ARHGAP6: variants seen among roughly 807,000 people sequenced by gnomAD.
ARHGAP6 encodes the protein rho GTPase-activating protein 6.
A neutral mutation model predicts 55.7 loss-of-function variants in ARHGAP6; 16 were observed. The observed-to-expected ratio is 0.29, with a 90% CI of 0.19 to 0.44. The LOEUF (loss-of-function observed/expected upper bound fraction) is 0.44. ARHGAP6 is among the 20% of genes least tolerant of loss of function. The pLI, the probability that ARHGAP6 is intolerant of heterozygous loss-of-function variation, is 1.00. For synonymous variants in ARHGAP6, 382 were observed against 360.9 expected, an observed-to-expected ratio of 1.06 and a Z score of -0.66; for missense variants, 698 against 808.9, an observed-to-expected ratio of 0.86 and a Z score of 1.66.
intron 1 of ARHGAP6, among the ~76,000 whole-genome samples, chrX:11,482,846 T>C (rs2050470642): frequency 9.0e-6 from 1 of 111,312 alleles, no homozygotes; most frequent in Non-Finnish European, 1.9e-5. Flanking sequence ...GGTGGGGTAA[T>C]CCCGATGGGG....
chrX:11,337,172 G>A (rs909593314), intron 1 of ARHGAP6, among the ~76,000 whole-genome samples: 2 of 109,991 alleles, frequency 1.8e-5, no homozygotes, highest in African/African-American at 6.6e-5. Context: ...ATACACAAGG[G>A]TAGATATCTA....
chrX:11,174,616 C>CTTTT (rs781633949), intron 8 of ARHGAP6, among the ~76,000 whole-genome samples: 1 of 65,003 alleles, frequency 1.5e-5, no homozygotes, highest in Non-Finnish European at 3.0e-5. Flanking sequence ...TTCTTTCTTT[C>CTTTT]TCTTTCTTTT....
intron 2 of ARHGAP6, among the ~76,000 whole-genome samples, chrX:11,206,258 C>A (rs1180273850): frequency 5.6e-5 from 6 of 107,257 alleles, no homozygotes; most frequent in Non-Finnish European, 9.8e-5. Flanking sequence ...ATAAAAATAA[C>A]CTTATATTCA....
At chrX:11,264,268 G>A (rs2047596957) in intron 1 of ARHGAP6, among the ~76,000 whole-genome samples, 1 of 111,498 alleles carries the variant, frequency 9.0e-6, no homozygotes, top group African/African-American at 3.3e-5. Context: ...TAGAAAATAT[G>A]CAAATGCTAG....
At position 11,464,186 on chromosome X, in the gene ARHGAP6, A is replaced by G. The variant is rs755665391; in HGVS notation, c.588+200055T>C. 7.1e-5 allele frequency among the ~76,000 whole-genome samples: 8 copies of G among 112,321 alleles called. No homozygotes were observed. In the East Asian group the frequency reaches 2.2e-3, roughly 31 times the overall value. On this transcript the variant is annotated intron_variant, in intron 1 of 12. Transcript: ENST00000337414. Reference sequence around the variant, plus strand: ...CATGCCCTCTTTGTGGCTGAATATAAACCACAGTGGAACTTTCTCCAAAAA... The same window carrying G: ...CATGCCCTCTTTGTGGCTGAATATAGACCACAGTGGAACTTTCTCCAAAAA...
chrX:11,250,110 G>A (rs1197947420), intron 2 of ARHGAP6, among the ~76,000 whole-genome samples: 1 of 111,346 alleles, frequency 9.0e-6, no homozygotes, highest in African/African-American at 3.3e-5. Context: ...TCAGTTTTGT[G>A]ACACATTTTA....
intron 2 of ARHGAP6, among the ~76,000 whole-genome samples, chrX:11,251,947 A>G (rs946098901): frequency 3.6e-5 from 4 of 112,233 alleles, no homozygotes; most frequent in Non-Finnish European, 5.6e-5. Flanking sequence ...TCCTCTATAA[A>G]TGAGAAAATT....
intron 1 of ARHGAP6, among the ~76,000 whole-genome samples, chrX:11,603,919 C>T (rs2052005484): frequency 8.9e-6 from 1 of 111,937 alleles, no homozygotes; most frequent in Non-Finnish European, 1.9e-5. Context: ...TGAGTTACAG[C>T]TCTGTGTCCA....
At chrX:11,453,223 TATATATATACATA>T (rs1163214856) in intron 1 of ARHGAP6, among the ~76,000 whole-genome samples, 60 of 95,980 alleles carry the variant, frequency 6.3e-4, no homozygotes, top group East Asian at 1.8e-3. Flanking sequence ...ATATATATGC[TATATATATACATA>T]ATATATATAC....
chrX:11,664,419 C>A lies in ARHGAP6; in HGVS notation c.410G>T (p.Trp137Leu), dbSNP rs1269036401. The change falls in exon 1 of 13, where the codon TGG becomes TTG. Residue 137 changes from tryptophan (W) to leucine (L), a missense_variant. Coordinates refer to ENST00000337414, the MANE Select transcript of ARHGAP6 (RefSeq NM_013427.3). ...CCCGGCCAGGACAGAAGGCAGGTCC[C>A]AGGCCATGCTCTTCTTGAGGCCGCC... ...GRGGLKKSMA[W>L]DLPSVLAGPA... 8.3e-7 allele frequency: 1 copy of A among 1,211,980 alleles called. No homozygotes were observed.
At chrX:11,355,101 G>C (rs1276438341) in intron 1 of ARHGAP6, among the ~76,000 whole-genome samples, 1 of 111,907 alleles carries the variant, frequency 8.9e-6, no homozygotes, top group African/African-American at 3.2e-5. Flanking sequence ...GATTTCTAAT[G>C]AGCCAACAAT....
chrX:11,528,911 T>A (rs1426040673), intron 1 of ARHGAP6, among the ~76,000 whole-genome samples: 1 of 111,848 alleles, frequency 8.9e-6, no homozygotes, highest in Non-Finnish European at 1.9e-5. Flanking sequence ...AAAACATTAC[T>A]AAAACCAACC....
chrX:11,574,343 C>A (rs1438408380), intron 1 of ARHGAP6, among the ~76,000 whole-genome samples: 2 of 109,991 alleles, frequency 1.8e-5, no homozygotes, highest in Middle Eastern at 4.7e-3. Context: ...ACTGGCAAAC[C>A]AAATCCAGCA....
At chrX:11,366,326 T>C (rs2049078004) in intron 1 of ARHGAP6, among the ~76,000 whole-genome samples, 1 of 112,730 alleles carries the variant, frequency 8.9e-6, no homozygotes, top group African/African-American at 3.2e-5. Context: ...TTAGTAGATC[T>C]GATTCAATAT....
chrX:11,221,650 T>C (rs1451992489), intron 2 of ARHGAP6, among the ~76,000 whole-genome samples: 1 of 111,848 alleles, frequency 8.9e-6, no homozygotes, highest in East Asian at 2.8e-4. Context: ...TAGAGGACAC[T>C]GGAGGAGAAA....
rs769042624 is a variant in ARHGAP6 at position 11,277,712 on chromosome X, A to ATTT, written c.589-23006_589-23005insAAA. On this transcript the variant is annotated intron_variant, in intron 1 of 12. Transcript: ENST00000337414. ...GTTTCTAGTATTCTTTTTTTTTTTA[A>ATTT]AAAAAAATTAGCCCTGTAATGGCTA... Among the ~76,000 whole-genome samples, 288 of 93,838 alleles carry ATTT rather than the reference A, an allele frequency of 3.1e-3. 1 individual carries two copies. Among genetic ancestry groups the ATTT allele is most frequent in the African/African-American group, 9.8e-3 (241 of 24,554 alleles). The allele number at this position is 93,838 out of a possible 115,157, so 81.5% of individuals were successfully genotyped here.
chrX:11,174,309 A>G (rs2046136931), intron 8 of ARHGAP6, among the ~76,000 whole-genome samples: 1 of 111,477 alleles, frequency 9.0e-6, no homozygotes, highest in Admixed American at 9.5e-5. Flanking sequence ...GCCCATGCTC[A>G]TCACTTCTCC....
chrX:11,542,401 G>GTGGCAGAGGT (rs1425853762), intron 1 of ARHGAP6, among the ~76,000 whole-genome samples: 1 of 111,119 alleles, frequency 9.0e-6, no homozygotes, highest in Non-Finnish European at 1.9e-5. Flanking sequence ...TTGAACTCGG[G>GTGGCAGAGGT]TGGCAGAGGT....
intron 1 of ARHGAP6, among the ~76,000 whole-genome samples, chrX:11,409,341 C>T (rs757367408): frequency 8.9e-6 from 1 of 111,950 alleles, no homozygotes; most frequent in African/African-American, 3.2e-5. Flanking sequence ...CTCTGGCTTG[C>T]ACCCCATGAT....
Sources: gnomAD v4.1 joint callset for allele counts (sites outside exome capture counted in the v4.1 genomes callset) on GRCh38, gnomAD v4.1.1 for gene constraint, MANE v1.5 for transcripts, NCBI Gene and HGNC (gene_info 2026-07-23, HGNC 2026-07-21) for gene names.